Variants in MAP4K3 observed in about 807,000 individuals in gnomAD.
MAP4K3 encodes MAPK/ERK kinase kinase kinase 3.
Under a neutral mutation model 143.5 loss-of-function variants are expected in MAP4K3, and 94 were observed. The observed-to-expected ratio is 0.65, with a 90% confidence interval of 0.55 to 0.78. The LOEUF (loss-of-function observed/expected upper bound fraction) is 0.78, where lower values mean the gene tolerates loss of function less well. Ranked by LOEUF, MAP4K3 falls within the 30% of genes least tolerant of loss-of-function variation. The pLI, the probability that MAP4K3 is intolerant of heterozygous loss-of-function variation, is 0.00. For synonymous variants in MAP4K3, 416 were observed against 347.2 expected (o/e 1.20, Z -2.20); for missense variants, 1,077 against 1,068.1 (o/e 1.01, Z -0.12).
chr2:39,300,798 A>G (rs1259244015), intron 15 of MAP4K3, among the ~76,000 whole-genome samples: 1 of 152,226 alleles, frequency 6.6e-6, no homozygotes, highest in Non-Finnish European at 1.5e-5. Flanking sequence ...AGCATTTAAC[A>G]CACAGAGCTG....
chr2:39,250,898 C>T (rs535246631), intron 33 of MAP4K3, among the ~76,000 whole-genome samples, 193 bp from the exon 34 acceptor site: 5 of 152,300 alleles, frequency 3.3e-5, no homozygotes, highest in Admixed American at 1.3e-4. Context: ...CTGTCCACTA[C>T]CTCCCACCTC....
chr2:39,332,045 G>A, intron 7 of MAP4K3, 56 bp from the exon 8 acceptor site: 1 of 998,982 alleles, frequency 1.0e-6, no homozygotes, highest in Admixed American at 2.3e-5. Context: ...AATTGTTTAA[G>A]GCAACATAAA....
chr2:39,325,412 T>C lies in MAP4K3; in HGVS notation c.918+106A>G, dbSNP rs966953366. 1.1e-5 allele frequency: 7 copies of C among 622,472 alleles called. No homozygotes were observed. In the African/African-American group the frequency reaches 1.3e-4, roughly 11 times the overall value. The allele number at this position is 622,472 out of a possible 1,614,324, so 38.6% of individuals were successfully genotyped here. On this transcript the variant is annotated intron_variant, in intron 12 of 33. Transcript: ENST00000263881. ...CCCTCAAGAGCTTTTTTATTTAAAC[T>C]AGGCCCCAAAATTAAAAAAATGGAT... is the stretch of plus-strand genomic sequence containing the variant.
chr2:39,315,706 C>A (rs571473305), intron 12 of MAP4K3, among the ~76,000 whole-genome samples: 1 of 152,148 alleles, frequency 6.6e-6, no homozygotes, highest in African/African-American at 2.4e-5. Flanking sequence ...TTGTCTAGAT[C>A]CATTCTACAA....
At position 39,325,581 on chromosome 2, in the gene MAP4K3, C is replaced by T. The variant is rs1683462759; in HGVS notation, c.855G>A (p.Leu285=). 1.2e-6 allele frequency: 2 copies of T among 1,613,268 alleles called. No individual in the cohort carries two copies. The highest frequency in any genetic ancestry group is 1.7e-6 in the Non-Finnish European group (2 of 1,179,754). Residue 285 remains leucine (L), a synonymous_variant, in exon 12 of 34, where the codon CTG becomes CTA. Coordinates refer to ENST00000263881, the MANE Select transcript of MAP4K3 (RefSeq NM_003618.4). ...GATCTGGATTATTTACTTTATCCAA[C>T]AGCTCGATTGCCAAAGACCGTGTCA... is the stretch of plus-strand genomic sequence containing the variant. ...QHLTRSLAIE[L]LDKVNNPDHS... is the part of the protein sequence containing the mutation.
Position 39,378,091 on chromosome 2 carries a change from T to G in MAP4K3, c.129A>C (p.Ala43=), listed in dbSNP as rs941622035. Residue 43 remains alanine, a synonymous_variant, in exon 2 of 34, where the codon GCA becomes GCC. Transcript: ENST00000263881. ...CTGGTTCCAATTTTATTACTTTAAT[T>G]GCTGCTAATTCACCAGTGTTAACAT... is the stretch of plus-strand genomic sequence containing the variant. The part of the protein sequence containing the change: ...ARNVNTGELA[A]IKVIKLEPGE... 25 of 1,592,056 alleles carry G rather than the reference T, an allele frequency of 1.6e-5. No homozygotes were observed. The highest frequency in any genetic ancestry group is 2.1e-5 in the Non-Finnish European group (24 of 1,168,778).
At chr2:39,272,601 G>T in intron 24 of MAP4K3, 59 bp from the exon 25 acceptor site, 1 of 1,348,612 alleles carries the variant, frequency 7.4e-7, no homozygotes, top group Non-Finnish European at 1.1e-6. Context: ...ATGTAAATCT[G>T]TACACAGTAA....
intron 32 of MAP4K3, 111 bp downstream of exon 32, chr2:39,254,339 G>C (rs1248400447): frequency 1.2e-6 from 1 of 804,712 alleles, no homozygotes; most frequent in Non-Finnish European, 2.1e-6. Flanking sequence ...AATACAGTAA[G>C]TATTAATAAA....
chr2:39,379,411 T>G (rs1666304168), intron 1 of MAP4K3, among the ~76,000 whole-genome samples: 1 of 152,072 alleles, frequency 6.6e-6, no homozygotes, highest in African/African-American at 2.4e-5. Flanking sequence ...CAAAAGAGAT[T>G]TGAAGACTTA....
intron 3 of MAP4K3, among the ~76,000 whole-genome samples, chr2:39,354,040 T>A (rs1221952782): frequency 6.6e-6 from 1 of 152,154 alleles, no homozygotes; most frequent in Non-Finnish European, 1.5e-5. Context: ...GGCAAAAAGA[T>A]CATGCTCATT....
intron 1 of MAP4K3, among the ~76,000 whole-genome samples, chr2:39,384,969 T>A (rs1310778298): frequency 6.6e-6 from 1 of 152,240 alleles, no homozygotes; most frequent in African/African-American, 2.4e-5. Flanking sequence ...TTTTTCTTTT[T>A]GAGAATGCCA....
chr2:39,253,375 G>A (rs150548670), intron 32 of MAP4K3, among the ~76,000 whole-genome samples: 6,326 of 152,146 alleles, frequency 0.042, 206 homozygotes, highest in African/African-American at 0.082. Context: ...CTTGTGATCC[G>A]CCCGCCTCGG....
chr2:39,421,314 T>G (rs1347642469), intron 1 of MAP4K3, among the ~76,000 whole-genome samples: 5 of 151,844 alleles, frequency 3.3e-5, no homozygotes, highest in Non-Finnish European at 7.4e-5. Flanking sequence ...TAAGACTGCC[T>G]GAATTCAATC....
rs1683454775 is a variant in MAP4K3 at position 39,325,432 on chromosome 2, A to G, written c.918+86T>C. 8 of 811,006 alleles carry G rather than the reference A, an allele frequency of 9.9e-6. 1 individual carries two copies. The South Asian group carries it at 1.2e-4, about 13-fold the overall frequency. 50.2% of individuals were successfully genotyped at this position (811,006 alleles called of 1,614,324 possible). ...TAAACTAGGCCCCAAAATTAAAAAA[A>G]TGGATTTTGAGACGTACATACAGAC... On this transcript the variant is annotated intron_variant, in intron 12 of 33. Coordinates refer to ENST00000263881, the MANE Select transcript of MAP4K3 (RefSeq NM_003618.4).
At chr2:39,350,840 A>G (rs928313660) in intron 3 of MAP4K3, among the ~76,000 whole-genome samples, 3 of 152,110 alleles carry the variant, frequency 2.0e-5, no homozygotes, top group South Asian at 2.1e-4. Context: ...CCATATCTCC[A>G]CAACCTTATC....
chr2:39,392,183 C>CAAA (rs3086434), intron 1 of MAP4K3, among the ~76,000 whole-genome samples: 53,021 of 69,170 alleles, frequency 0.77, 21,182 homozygotes, highest in South Asian at 0.88. Flanking sequence ...CACTCCTACT[C>CAAA]AAAAAAAAAA....
chr2:39,341,655 A>T (rs1261624636), intron 4 of MAP4K3, among the ~76,000 whole-genome samples: 2 of 143,836 alleles, frequency 1.4e-5, no homozygotes, highest in Non-Finnish European at 3.1e-5. Flanking sequence ...GACTCCGTTT[A>T]AAAAAAAAAA....
chr2:39,415,348 T>A (rs1454828824), intron 1 of MAP4K3, among the ~76,000 whole-genome samples: 1 of 152,224 alleles, frequency 6.6e-6, no homozygotes, highest in Non-Finnish European at 1.5e-5. Flanking sequence ...GAATTCTCAG[T>A]GCAAAATCCT....
intron 1 of MAP4K3, among the ~76,000 whole-genome samples, chr2:39,404,346 C>T (rs1667034556): frequency 1.3e-5 from 2 of 152,060 alleles, no homozygotes; most frequent in Admixed American, 1.3e-4. Flanking sequence ...GAAAGGAGCC[C>T]ACTGCCCTGA....
Sources: gnomAD v4.1 joint callset for allele counts (sites outside exome capture counted in the v4.1 genomes callset) on GRCh38, gnomAD v4.1.1 for gene constraint, MANE v1.5 for transcripts, NCBI Gene and HGNC (gene_info 2026-07-23, HGNC 2026-07-21) for gene names.